Variants in PTPRN2 observed in about 807,000 individuals in gnomAD.
PTPRN2 encodes the protein protein tyrosine phosphatase receptor type N2.
Under a neutral mutation model 118.8 loss-of-function variants are expected in PTPRN2, and 74 were observed. The ratio of observed to expected loss-of-function variants is 0.62; its 90% CI spans 0.52 to 0.76. PTPRN2 has a LOEUF of 0.76. PTPRN2 is among the 30% of genes least tolerant of loss of function. The probability of loss-of-function intolerance (pLI) is 0.00; values close to 1 mark genes in which losing one functional copy is unlikely to be tolerated. For missense variants in PTPRN2, 1,481 were observed against 1,394.4 expected (o/e 1.06, Z -0.99); for synonymous variants, 641 against 608.0 (o/e 1.05, Z -0.80).
intron 12 of PTPRN2, among the ~76,000 whole-genome samples, chr7:157,782,227 A>G (rs1329632863): frequency 6.6e-6 from 1 of 152,236 alleles, no homozygotes; most frequent in African/African-American, 2.4e-5. Context: ...AACTGCAAGT[A>G]ATTTGTTCAT....
chr7:157,706,286 G>C (rs1315962837), intron 12 of PTPRN2, among the ~76,000 whole-genome samples: 1 of 150,992 alleles, frequency 6.6e-6, no homozygotes, highest in Non-Finnish European at 1.5e-5. Context: ...ATCTGACGCA[G>C]TGCTGTCTGG....
At chr7:157,815,905 C>T (rs371288593) in intron 12 of PTPRN2, among the ~76,000 whole-genome samples, 35 of 152,332 alleles carry the variant, frequency 2.3e-4, no homozygotes, top group South Asian at 1.4e-3. Context: ...AAGAGCTGGG[C>T]GGCAAGATTC....
At chr7:157,938,591 A>C (rs1799863055) in intron 11 of PTPRN2, among the ~76,000 whole-genome samples, 2 of 152,246 alleles carry the variant, frequency 1.3e-5, no homozygotes, top group Admixed American at 6.5e-5. Context: ...GTGAACCCAG[A>C]TCTGCTTTGC....
At chr7:158,343,849 A>C (rs13312459) in intron 2 of PTPRN2, among the ~76,000 whole-genome samples, 1 of 116,478 alleles carries the variant, frequency 8.6e-6, no homozygotes, top group Middle Eastern at 4.7e-3. Flanking sequence ...GGCTGCTCCC[A>C]GTGGAATCAC....
At chr7:158,228,510 T>C (rs1395980219) in intron 3 of PTPRN2, among the ~76,000 whole-genome samples, 1 of 151,928 alleles carries the variant, frequency 6.6e-6, no homozygotes, top group Non-Finnish European at 1.5e-5. Flanking sequence ...CCCAAAATGG[T>C]GGTGCAGTAG....
Position 157,977,005 on chromosome 7 carries a change from G to C in PTPRN2, c.1724-78268C>G, listed in dbSNP as rs902580198. Among the ~76,000 whole-genome samples the C allele has an allele frequency of 2.6e-5, 4 of 151,902 alleles. 1 individual carries two copies. The highest frequency in any genetic ancestry group is 5.9e-5 in the Non-Finnish European group (4 of 67,958). Reference sequence around the variant, plus strand: ...TCGTTATAGATTTCGTCAAATTTCAGAGGTATATGTAATTATGAAAAGCCA... The same window carrying C: ...TCGTTATAGATTTCGTCAAATTTCACAGGTATATGTAATTATGAAAAGCCA... On this transcript the variant is annotated intron_variant, in intron 11 of 22. Coordinates refer to ENST00000389418, the MANE Select transcript of PTPRN2 (RefSeq NM_002847.5). The surrounding 1 kb of genome is among the most constrained non-coding windows in gnomAD (Gnocchi z 4.6).
chr7:157,999,108 C>T (rs530698072), intron 11 of PTPRN2, among the ~76,000 whole-genome samples: 46 of 152,172 alleles, frequency 3.0e-4, no homozygotes, highest in Middle Eastern at 3.4e-3. Flanking sequence ...AAGAGGACCT[C>T]CTGTAAACGT....
intron 13 of PTPRN2, among the ~76,000 whole-genome samples, chr7:157,667,031 A>G (rs879178639): frequency 2.0e-5 from 2 of 99,000 alleles, no homozygotes; most frequent in Non-Finnish European, 4.7e-5. Context: ...TGACTTGCAC[A>G]CTCGGCCCGT....
At chr7:158,269,291 T>C (rs1055451762) in intron 3 of PTPRN2, among the ~76,000 whole-genome samples, 1 of 152,162 alleles carries the variant, frequency 6.6e-6, no homozygotes, top group Non-Finnish European at 1.5e-5. Flanking sequence ...CCTAGCAGTG[T>C]AACCCTGAAT....
At chr7:158,311,080 C>T (rs933641665) in intron 3 of PTPRN2, among the ~76,000 whole-genome samples, 5 of 152,162 alleles carry the variant, frequency 3.3e-5, no homozygotes. Flanking sequence ...TAAAACAAGA[C>T]AGGCGAGCAC....
At position 157,990,548 on chromosome 7, in the gene PTPRN2, CA is replaced by C. The variant is rs1296515005; in HGVS notation, c.1723+90749del. Among the ~76,000 whole-genome samples the C allele has an allele frequency of 6.6e-6, 1 of 151,694 alleles. No homozygotes were observed. The highest frequency in any genetic ancestry group is 2.4e-5 in the African/African-American group (1 of 41,372). ...GCACCCACCTCTGGCAAGTTCTGGG[CA>C]GGGGGAGAGCGACACAAGGCAAGGG... On this transcript the variant is annotated intron_variant, in intron 11 of 22. Transcript: ENST00000389418. The surrounding 1 kb of genome is among the most constrained non-coding windows in gnomAD (Gnocchi z 4.3).
At chr7:158,149,364 C>T (rs1369755164) in intron 6 of PTPRN2, among the ~76,000 whole-genome samples, 1 of 151,836 alleles carries the variant, frequency 6.6e-6, no homozygotes, top group Non-Finnish European at 1.5e-5. Context: ...TTGACATAAA[C>T]TTAAATCTAA....
chr7:158,183,255 C>G (rs1324211631), intron 5 of PTPRN2, among the ~76,000 whole-genome samples: 1 of 152,140 alleles, frequency 6.6e-6, no homozygotes, highest in Non-Finnish European at 1.5e-5. Flanking sequence ...AATCTGTTAT[C>G]TTTTAAATGG....
At chr7:158,399,604 T>C (rs1308145944) in intron 2 of PTPRN2, among the ~76,000 whole-genome samples, 1 of 152,042 alleles carries the variant, frequency 6.6e-6, no homozygotes, top group African/African-American at 2.4e-5. Flanking sequence ...TGCAGTGAGC[T>C]ATGATCAAGC....
At chr7:157,703,467 G>A (rs1189015011) in intron 12 of PTPRN2, among the ~76,000 whole-genome samples, 1 of 152,172 alleles carries the variant, frequency 6.6e-6, no homozygotes, top group Non-Finnish European at 1.5e-5. Context: ...TCCACACCAG[G>A]ACCCCAGGCC....
At chr7:158,098,696 T>C (rs1814890093) in intron 10 of PTPRN2, among the ~76,000 whole-genome samples, 1 of 152,106 alleles carries the variant, frequency 6.6e-6, no homozygotes, top group Admixed American at 6.5e-5. Context: ...ATGGGGTTGC[T>C]TGGGCTCGGG....
intron 1 of PTPRN2, among the ~76,000 whole-genome samples, chr7:158,522,153 G>A (rs1340049430): frequency 2.5e-5 from 2 of 79,874 alleles, no homozygotes; most frequent in African/African-American, 5.6e-5. Flanking sequence ...GGAGGTCCAC[G>A]TCACAATGGT....
intron 2 of PTPRN2, among the ~76,000 whole-genome samples, chr7:158,444,833 C>G (rs1384506725): frequency 6.6e-6 from 1 of 152,202 alleles, no homozygotes; most frequent in East Asian, 1.9e-4. Context: ...CCCAAGAAAG[C>G]CCCCAGTGTC....
intron 10 of PTPRN2, among the ~76,000 whole-genome samples, chr7:158,087,894 T>G (rs1465407053): frequency 0.012 from 767 of 65,724 alleles, 2 homozygotes; most frequent in East Asian, 0.024. Context: ...CTTCCCCTGA[T>G]GAAAGAGGGA....
Sources: gnomAD v4.1 joint callset for allele counts (sites outside exome capture counted in the v4.1 genomes callset) on GRCh38, gnomAD v4.1.1 for gene constraint, Gnocchi (gnomAD v3.1) non-coding constraint, MANE v1.5 for transcripts, NCBI Gene and HGNC (gene_info 2026-07-23, HGNC 2026-07-21) for gene names.